DEPDC5: variants seen among roughly 807,000 people sequenced by gnomAD.
DEPDC5 encodes DEP domain containing 5, GATOR1 subcomplex subunit.
In DEPDC5, 73 loss-of-function variants were observed where a neutral mutation model predicts 217.3. That is an observed-to-expected ratio of 0.34 (90% CI 0.28 to 0.41). DEPDC5 has a LOEUF of 0.41. DEPDC5 is among the 10% of genes least tolerant of loss of function. The probability of loss-of-function intolerance (pLI) is 1.00; values close to 1 mark genes in which losing one functional copy is unlikely to be tolerated. For synonymous variants in DEPDC5, 733 were observed against 756.7 expected (o/e 0.97, Z 0.51); for missense variants, 1,675 against 2,070.1 (o/e 0.81, Z 3.70).
At chr22:31,802,880 G>T (rs768768115) in intron 15 of DEPDC5, 42 bp downstream of exon 15, 1 of 1,541,386 alleles carries the variant, frequency 6.5e-7, no homozygotes, top group Non-Finnish European at 8.8e-7. Flanking sequence ...CATGTTCCTA[G>T]CCTGATTTCC....
chr22:31,905,735 T>C (rs2093746155), intron 41 of DEPDC5, among the ~76,000 whole-genome samples: 1 of 151,936 alleles, frequency 6.6e-6, no homozygotes, highest in Non-Finnish European at 1.5e-5. Flanking sequence ...GGTAGTGACA[T>C]GGTGGACCAC....
chr22:31,877,909 C>T (rs911437056), intron 37 of DEPDC5, among the ~76,000 whole-genome samples: 1 of 151,966 alleles, frequency 6.6e-6, no homozygotes, highest in Non-Finnish European at 1.5e-5. Context: ...CAAACATGGC[C>T]GGGAGCGGTG....
At chr22:31,904,476 C>G (rs562345648) in intron 41 of DEPDC5, among the ~76,000 whole-genome samples, 3 of 152,234 alleles carry the variant, frequency 2.0e-5, no homozygotes, top group African/African-American at 7.2e-5. Flanking sequence ...GGTGTGGTGG[C>G]TCACGCCTGT....
Position 31,877,120 on chromosome 22 carries a change from T to C in DEPDC5, c.3805+855T>C, listed in dbSNP as rs2093015231. Among the ~76,000 whole-genome samples the C allele has an allele frequency of 2.0e-5, 3 of 148,756 alleles. No homozygotes were observed. The South Asian group carries it at 6.4e-4, about 32-fold the overall frequency. Reference sequence around the variant, plus strand: ...ATTGTGCTGCTGTACTGCAGCCTGGTTGACAGTGAAACTCCGTCTCAAAAA... The same window carrying C: ...ATTGTGCTGCTGTACTGCAGCCTGGCTGACAGTGAAACTCCGTCTCAAAAA... On this transcript the variant is annotated intron_variant, in intron 37 of 42. Transcript: ENST00000651528.
At chr22:31,821,670 C>A (rs749818206) in intron 23 of DEPDC5, 33 bp downstream of exon 23, 1 of 1,602,358 alleles carries the variant, frequency 6.2e-7, no homozygotes, top group Admixed American at 1.7e-5. Context: ...GGAAGGTAAC[C>A]TGAGAACACT....
chr22:31,797,684 G>T lies in DEPDC5; in HGVS notation c.852G>T (p.Leu284Phe). ...AACTCTTCATCCAGTATCCAGTGTT[G>T]GTGCGACTGGAACAGGCAGGTACTG... ...IKKLFIQYPV[L>F]VRLEQAEGFP... The change falls in exon 13 of 43, where the codon TTG becomes TTT. Residue 284 changes from leucine (L) to phenylalanine (F), a missense_variant. Physicochemically the swap from Leu to Phe is conservative, Grantham distance 22. This residue lies in a region of DEPDC5 where 628 missense variants were observed against 762.1 expected (regional missense o/e 0.82). Coordinates refer to ENST00000651528, the MANE Select transcript of DEPDC5 (RefSeq NM_001242896.3). 2 of 1,613,674 alleles carry T rather than the reference G, an allele frequency of 1.2e-6. No homozygotes were observed.
At chr22:31,815,516 C>A in intron 21 of DEPDC5, 3 of 644,472 alleles carry the variant, frequency 4.7e-6, no homozygotes, top group Non-Finnish European at 8.3e-6. Context: ...TCCCAAGTAA[C>A]TGGGACTATA....
intron 3 of DEPDC5, among the ~76,000 whole-genome samples, chr22:31,759,198 C>T (rs1463303986): frequency 6.6e-6 from 1 of 151,836 alleles, no homozygotes; most frequent in South Asian, 2.1e-4. Flanking sequence ...TCCCAATGTG[C>T]TGGGATTACA....
At chr22:31,786,502 T>C (rs2085010428) in intron 10 of DEPDC5, among the ~76,000 whole-genome samples, 1 of 151,946 alleles carries the variant, frequency 6.6e-6, no homozygotes, top group South Asian at 2.1e-4. Flanking sequence ...TATTTATTCT[T>C]TTTGAGATGG....
At chr22:31,881,711 T>G in intron 38 of DEPDC5, among the ~76,000 whole-genome samples, 1 of 152,018 alleles carries the variant, frequency 6.6e-6, no homozygotes, top group South Asian at 2.1e-4. Context: ...TTTGGGAGGC[T>G]GAGGCAGGAG....
chr22:31,763,187 C>T (rs1601620007), intron 4 of DEPDC5, among the ~76,000 whole-genome samples: 1 of 152,176 alleles, frequency 6.6e-6, no homozygotes, highest in East Asian at 1.9e-4. Context: ...GACAGGGTTT[C>T]ACTATGTTGT....
At chr22:31,893,227 T>C (rs2093478708) in intron 38 of DEPDC5, among the ~76,000 whole-genome samples, 2 of 152,128 alleles carry the variant, frequency 1.3e-5, no homozygotes, top group African/African-American at 4.8e-5. Context: ...GTATCTAACA[T>C]GATATCCTAC....
chr22:31,813,092 T>G (rs1052317143), intron 20 of DEPDC5, among the ~76,000 whole-genome samples: 10 of 152,274 alleles, frequency 6.6e-5, no homozygotes, highest in Non-Finnish European at 1.3e-4. Context: ...ATATTATGTC[T>G]CTTAATTTTG....
At chr22:31,820,884 G>A (rs1246530659) in intron 22 of DEPDC5, among the ~76,000 whole-genome samples, 2 of 152,060 alleles carry the variant, frequency 1.3e-5, no homozygotes, top group Non-Finnish European at 2.9e-5. Context: ...TTCCTTCTTG[G>A]CTAATCTTGT....
intron 39 of DEPDC5, among the ~76,000 whole-genome samples, chr22:31,897,044 G>C (rs1273864842): frequency 6.6e-6 from 1 of 152,092 alleles, no homozygotes; most frequent in Admixed American, 6.6e-5. Context: ...TTGAACCTGG[G>C]AGGCGGAGGT....
intron 1 of DEPDC5, 56 bp from the exon 2 acceptor site, chr22:31,754,806 G>C: frequency 2.5e-6 from 3 of 1,188,262 alleles, no homozygotes; most frequent in Middle Eastern, 2.0e-4. Flanking sequence ...AAATCAAAGA[G>C]TGGTTGCAAG....
chr22:31,879,415 C>A, intron 37 of DEPDC5, 110 bp from the exon 38 acceptor site: 1 of 995,088 alleles, frequency 1.0e-6, no homozygotes, highest in Non-Finnish European at 1.5e-6. Flanking sequence ...CCTTGTGTGT[C>A]GGCTTCTTTT....
At chr22:31,824,235 A>G (rs2089958867) in intron 24 of DEPDC5, among the ~76,000 whole-genome samples, 1 of 152,096 alleles carries the variant, frequency 6.6e-6, no homozygotes, top group Non-Finnish European at 1.5e-5. Flanking sequence ...AATCCAAGCT[A>G]CTCGGGAGGT....
intron 38 of DEPDC5, among the ~76,000 whole-genome samples, chr22:31,881,586 G>C (rs1038693417): frequency 6.6e-5 from 10 of 152,120 alleles, no homozygotes; most frequent in African/African-American, 1.4e-4. Flanking sequence ...ACCAGGGCTT[G>C]AGACCTAAGG....
Sources: gnomAD v4.1 joint callset for allele counts (sites outside exome capture counted in the v4.1 genomes callset) on GRCh38, gnomAD v4.1.1 for gene constraint, gnomAD v4.1.1 regional missense constraint, MANE v1.5 for transcripts, NCBI Gene and HGNC (gene_info 2026-07-23, HGNC 2026-07-21) for gene names.